PIEZO2: variants seen among roughly 807,000 people sequenced by gnomAD.
PIEZO2 encodes the protein piezo-type mechanosensitive ion channel component 2.
Under a neutral mutation model 337.3 loss-of-function variants are expected in PIEZO2, and 172 were observed. The observed-to-expected ratio is 0.51, with a 90% CI of 0.45 to 0.58. The LOEUF is 0.58. PIEZO2 is among the 20% of genes least tolerant of loss of function. The probability of loss-of-function intolerance (pLI) is 0.00; values close to 1 mark genes in which losing one functional copy is unlikely to be tolerated. For missense variants in PIEZO2, 3,028 were observed against 3,391.3 expected, an observed-to-expected ratio of 0.89 and a Z score of 2.66; for synonymous variants, 1,251 against 1,228.5, an observed-to-expected ratio of 1.02 and a Z score of -0.38.
chr18:10,981,559 T>C (rs745564517), intron 2 of PIEZO2, among the ~76,000 whole-genome samples: 5 of 152,166 alleles, frequency 3.3e-5, no homozygotes, highest in Non-Finnish European at 5.9e-5. Context: ...TGACTAAGAA[T>C]AGAAGAGAAT....
At position 10,988,350 on chromosome 18, in the gene PIEZO2, A is replaced by T. The variant is rs2034962622; in HGVS notation, c.161-8690T>A. 6.6e-6 allele frequency among the ~76,000 whole-genome samples: 1 copy of T among 152,196 alleles called. No individual in the cohort carries two copies. The highest frequency in any genetic ancestry group is 6.5e-5 in the Admixed American group (1 of 15,278). On this transcript the variant is annotated intron_variant, in intron 2 of 55. Coordinates refer to ENST00000674853, the MANE Select transcript of PIEZO2 (RefSeq NM_001378183.1). The surrounding 1 kb of genome is among the most constrained non-coding windows in gnomAD (Gnocchi z 4.8). Reference sequence around the variant, plus strand: ...AATTTCTATTCTTTATAAATTATCCAGTCTGTGACATTTCGTTTAGCAGCA... The same window carrying T: ...AATTTCTATTCTTTATAAATTATCCTGTCTGTGACATTTCGTTTAGCAGCA...
intron 3 of PIEZO2, among the ~76,000 whole-genome samples, chr18:10,918,891 C>T (rs965520906): frequency 2.0e-5 from 3 of 151,990 alleles, no homozygotes; most frequent in South Asian, 2.1e-4. Context: ...TTATATATAA[C>T]ATTGCAATGA....
intron 7 of PIEZO2, among the ~76,000 whole-genome samples, chr18:10,838,931 A>G (rs2041105573): frequency 6.6e-6 from 1 of 152,194 alleles, no homozygotes; most frequent in Non-Finnish European, 1.5e-5. Context: ...AAATGTAGGC[A>G]CTTCTATTAC....
At position 11,002,760 on chromosome 18, in the gene PIEZO2, T is replaced by A. The variant is rs969307981; in HGVS notation, c.161-23100A>T. ...CCTGTGTAAGCACACAATTCCCTGCTAAAGTCTGAAAAGCTGAACTATGGA... is the reference window on the plus strand; with the variant it reads ...CCTGTGTAAGCACACAATTCCCTGCAAAAGTCTGAAAAGCTGAACTATGGA... On this transcript the variant is annotated intron_variant, in intron 2 of 55. Transcript: ENST00000674853. The surrounding 1 kb of genome is among the most constrained non-coding windows in gnomAD (Gnocchi z 4.3). Among the ~76,000 whole-genome samples the A allele has an allele frequency of 3.3e-5, 5 of 152,212 alleles. No homozygotes were observed. Among genetic ancestry groups the A allele is most frequent in the African/African-American group, 1.2e-4 (5 of 41,456 alleles).
chr18:10,671,475 T>C lies in PIEZO2; in HGVS notation c.*52A>G. On this transcript the variant is annotated 3_prime_UTR_variant, in exon 56 of 56. Transcript: ENST00000674853. ...CTTAGCTCTTATGAGAATATTGTGC[T>C]TTTAAAAAAAATTCAAATGTTAACA... 2.6e-6 allele frequency: 4 copies of C among 1,552,834 alleles called. No individual in the cohort carries two copies. Among genetic ancestry groups the C allele is most frequent in the South Asian group, 1.2e-5 (1 of 82,384 alleles).
chr18:10,760,818 T>C, intron 24 of PIEZO2, 93 bp downstream of exon 24: 2 of 978,786 alleles, frequency 2.0e-6, no homozygotes, highest in Non-Finnish European at 3.0e-6. Context: ...TGCCTGCAGA[T>C]GTATCACAAA....
intron 28 of PIEZO2, among the ~76,000 whole-genome samples, chr18:10,751,329 G>A (rs2037636249): frequency 6.6e-6 from 1 of 152,202 alleles, no homozygotes; most frequent in Admixed American, 6.5e-5. Flanking sequence ...AAGCATGGCT[G>A]TGAAATCAGC....
Position 10,903,583 on chromosome 18 carries a change from T to C in PIEZO2, c.329+7603A>G, listed in dbSNP as rs1026376583. Among the ~76,000 whole-genome samples the C allele has an allele frequency of 3.3e-5, 5 of 151,758 alleles. No individual in the cohort carries two copies. The highest frequency in any genetic ancestry group is 7.4e-5 in the Non-Finnish European group (5 of 67,936). ...TACTTGGGAGGCTGAGGCAGGAGAA[T>C]GGCATGAACCCAGGAGGAGGCAGAG... is the stretch of plus-strand genomic sequence containing the variant. On this transcript the variant is annotated intron_variant, in intron 4 of 55. Transcript: ENST00000674853. This position sits in a 1 kb window ranked among gnomAD's most constrained non-coding sequence, Gnocchi z 4.1.
intron 12 of PIEZO2, among the ~76,000 whole-genome samples, chr18:10,796,922 A>G (rs2039620406): frequency 6.6e-6 from 1 of 152,112 alleles, no homozygotes; most frequent in Non-Finnish European, 1.5e-5. Context: ...ACATACCATC[A>G]TATATGTACT....
chr18:10,789,771 C>A (rs1213467459), intron 14 of PIEZO2, among the ~76,000 whole-genome samples: 1 of 152,000 alleles, frequency 6.6e-6, no homozygotes, highest in East Asian at 1.9e-4. Flanking sequence ...GTGGTTAATG[C>A]TAACAATCTT....
chr18:11,070,510 G>A lies in PIEZO2; in HGVS notation c.65-4288C>T, dbSNP rs2038302217. Among the ~76,000 whole-genome samples the A allele has an allele frequency of 6.6e-6, 1 of 152,132 alleles. No individual in the cohort carries two copies. Among genetic ancestry groups the A allele is most frequent in the Non-Finnish European group, 1.5e-5 (1 of 68,020 alleles). On this transcript the variant is annotated intron_variant, in intron 1 of 55. Transcript: ENST00000674853. The surrounding 1 kb of genome is among the most constrained non-coding windows in gnomAD (Gnocchi z 4.3). ...ATGAGAGGGGGCAAGCAAACTGGCA[G>A]GTAGGAAAGAAAAAAGCAGCAGAAA... is the stretch of plus-strand genomic sequence containing the variant.
At chr18:11,118,183 C>T (rs147127168) in intron 1 of PIEZO2, among the ~76,000 whole-genome samples, 4 of 152,292 alleles carry the variant, frequency 2.6e-5, no homozygotes, top group African/African-American at 9.6e-5. Flanking sequence ...CAAATGGGCA[C>T]CTGTGAAGCA....
chr18:10,752,541 C>G (rs1194033174), intron 28 of PIEZO2, 95 bp downstream of exon 28: 1 of 1,366,896 alleles, frequency 7.3e-7, no homozygotes, highest in East Asian at 2.5e-5. Flanking sequence ...TTTAAGAGAG[C>G]AACATGACAA....
At chr18:11,065,789 T>C (rs1177691749) in intron 2 of PIEZO2, among the ~76,000 whole-genome samples, 2 of 152,166 alleles carry the variant, frequency 1.3e-5, no homozygotes, top group Non-Finnish European at 2.9e-5. Context: ...AAAACAAATG[T>C]ATGTACCAAT....
At chr18:10,816,820 A>AT (rs987884785) in intron 7 of PIEZO2, among the ~76,000 whole-genome samples, 1 of 152,168 alleles carries the variant, frequency 6.6e-6, no homozygotes, top group African/African-American at 2.4e-5. Flanking sequence ...AATAACTTGT[A>AT]TTTTTGCTTT....
At chr18:10,689,903 G>T in intron 48 of PIEZO2, 101 bp from the exon 49 acceptor site, 1 of 1,388,244 alleles carries the variant, frequency 7.2e-7, no homozygotes, top group South Asian at 1.5e-5. Flanking sequence ...TTAACCTCAT[G>T]ACTCAGAAAC....
At chr18:10,693,600 T>C (rs1450401454) in intron 47 of PIEZO2, among the ~76,000 whole-genome samples, 1 of 151,850 alleles carries the variant, frequency 6.6e-6, no homozygotes, top group East Asian at 1.9e-4. Context: ...ACTCCTGACC[T>C]TGTGATCCAC....
chr18:10,770,437 C>A, intron 20 of PIEZO2, 129 bp from the exon 21 acceptor site: 1 of 882,072 alleles, frequency 1.1e-6, no homozygotes, highest in Non-Finnish European at 1.7e-6. Flanking sequence ...TCTAAGAAAA[C>A]CAAAATCTGG....
Position 11,106,542 on chromosome 18 carries a change from G to A in PIEZO2, c.65-40320C>T, listed in dbSNP as rs545390714. 3.5e-4 allele frequency among the ~76,000 whole-genome samples: 53 copies of A among 151,336 alleles called. 1 individual carries two copies. The South Asian group carries it at 3.5e-3, about 10-fold the overall frequency. On this transcript the variant is annotated intron_variant, in intron 1 of 55. Transcript: ENST00000674853. ...CCCGCCTCAGCCTCCCAAGAATCTGGGACCACAACCACGCACACCACCATA... is the reference window on the plus strand; with the variant it reads ...CCCGCCTCAGCCTCCCAAGAATCTGAGACCACAACCACGCACACCACCATA...
Sources: allele counts gnomAD v4.1 joint callset (sites outside exome capture counted in the v4.1 genomes callset), GRCh38; gene constraint gnomAD v4.1.1; non-coding constraint Gnocchi (gnomAD v3.1); transcripts MANE v1.5; gene names NCBI Gene and HGNC (gene_info 2026-07-23, HGNC 2026-07-21).